The following AGFG1 variants were observed in gnomAD, a reference collection of about 807,000 sequenced individuals.
AGFG1 encodes the protein arf-GAP domain and FG repeat-containing protein 1.
A neutral mutation model predicts 60.6 loss-of-function variants in AGFG1; 10 were observed. The ratio of observed to expected loss-of-function variants is 0.16; its 90% CI spans 0.10 to 0.28. The LOEUF (loss-of-function observed/expected upper bound fraction) is 0.28, where lower values mean the gene tolerates loss of function less well. Ranked by LOEUF, AGFG1 falls within the 10% of genes least tolerant of loss-of-function variation. The pLI, the probability that AGFG1 is intolerant of heterozygous loss-of-function variation, is 1.00. For missense variants in AGFG1, 537 were observed against 676.5 expected (o/e 0.79, Z 2.29); for synonymous variants, 247 against 242.9 (o/e 1.02, Z -0.16).
chr2:227,552,694 G>A (rs1692856258), intron 11 of AGFG1, among the ~76,000 whole-genome samples: 1 of 148,054 alleles, frequency 6.8e-6, no homozygotes, highest in Non-Finnish European at 1.5e-5. Flanking sequence ...TTTTAAGTAA[G>A]TGGTTATTTA....
rs1379933009 is a variant in AGFG1, at chr2:227,557,269, G to A, written c.*2774G>A. On this transcript the variant is annotated 3_prime_UTR_variant, in exon 13 of 13. Transcript: ENST00000310078. ...CATTTTTTCCCCATTTTTTGAAATA[G>A]AGAATATTTTATTATTTTTGTGAAA... 6.6e-6 allele frequency: 1 copy of A among 152,130 alleles called. No individual in the cohort carries two copies. Among genetic ancestry groups the A allele is most frequent in the Non-Finnish European group, 1.5e-5 (1 of 68,024 alleles). 9.4% of individuals were successfully genotyped at this position (152,130 alleles called of 1,614,324 possible). A position where few individuals can be genotyped will look rare whatever the true frequency, so the allele number is the denominator to read the frequency against.
intron 10 of AGFG1, among the ~76,000 whole-genome samples, chr2:227,544,557 T>C (rs549580834): frequency 1.3e-5 from 2 of 152,334 alleles, no homozygotes; most frequent in East Asian, 3.9e-4. Context: ...CTAGCATCGA[T>C]GGTCTTTACA....
chr2:227,552,230 C>G (rs2106244902), intron 11 of AGFG1, 113 bp downstream of exon 11: 2 of 1,241,026 alleles, frequency 1.6e-6, no homozygotes, highest in East Asian at 5.0e-5. Context: ...GTATTATCTA[C>G]TGAGTGTTTA....
intron 2 of AGFG1, among the ~76,000 whole-genome samples, chr2:227,515,641 C>T (rs990263684): frequency 6.6e-6 from 1 of 152,068 alleles, no homozygotes; most frequent in Non-Finnish European, 1.5e-5. Context: ...CCTACTTTTA[C>T]CTAAATAGCC....
chr2:227,533,288 C>CA (rs397744002), intron 6 of AGFG1, among the ~76,000 whole-genome samples: 1 of 151,574 alleles, frequency 6.6e-6, no homozygotes, highest in Non-Finnish European at 1.5e-5. Flanking sequence ...TGGAGATACC[C>CA]CTCCATGAAT....
intron 2 of AGFG1, among the ~76,000 whole-genome samples, chr2:227,494,074 T>G (rs1690902763): frequency 6.6e-6 from 1 of 152,198 alleles, no homozygotes; most frequent in Admixed American, 6.5e-5. Flanking sequence ...TACCTTCTTA[T>G]AGTATACCAA....
intron 1 of AGFG1, among the ~76,000 whole-genome samples, chr2:227,473,040 G>T (rs1484807590): frequency 4.0e-5 from 6 of 150,296 alleles, no homozygotes; most frequent in African/African-American, 1.5e-4. Context: ...CGGCCCGGGA[G>T]CCGCGGTGCG....
intron 10 of AGFG1, among the ~76,000 whole-genome samples, chr2:227,548,287 A>T (rs1313762391): frequency 6.6e-6 from 1 of 152,214 alleles, no homozygotes; most frequent in Non-Finnish European, 1.5e-5. Flanking sequence ...CATCCCTGTG[A>T]ATATATTTAA....
rs1281439596 is a variant in AGFG1 at position 227,559,178 on chromosome 2, C to G, written c.*4683C>G. 2.0e-5 allele frequency: 3 copies of G among 152,184 alleles called. No homozygotes were observed. In the South Asian group the frequency reaches 6.2e-4, roughly 31 times the overall value. 9.4% of individuals were successfully genotyped at this position (152,184 alleles called of 1,614,324 possible). A position where few individuals can be genotyped will look rare whatever the true frequency, so the allele number is the denominator to read the frequency against. On this transcript the variant is annotated 3_prime_UTR_variant, in exon 13 of 13. Coordinates refer to ENST00000310078, the MANE Select transcript of AGFG1 (RefSeq NM_004504.5). ...GCAGTTCTGTTTTGTGTGACCAGCA[C>G]AGTGTTTTAAAACGTTGCATTCTGA...
At chr2:227,535,311 G>A (rs1012593245) in intron 8 of AGFG1, among the ~76,000 whole-genome samples, 1 of 152,166 alleles carries the variant, frequency 6.6e-6, no homozygotes, top group Middle Eastern at 3.2e-3. Flanking sequence ...CTTACAGATT[G>A]TACTCAGCAG....
chr2:227,486,712 T>C (rs1329307893), intron 1 of AGFG1, among the ~76,000 whole-genome samples: 1 of 152,222 alleles, frequency 6.6e-6, no homozygotes, highest in Admixed American at 6.5e-5. Context: ...CTTGGTAGAG[T>C]TTATATCTTA....
intron 10 of AGFG1, among the ~76,000 whole-genome samples, chr2:227,539,197 CT>C (rs1183732613): frequency 1.3e-5 from 2 of 152,178 alleles, no homozygotes; most frequent in African/African-American, 4.8e-5. Flanking sequence ...AATCCCAGCA[CT>C]TTGGGAGGCC....
At chr2:227,477,472 G>A (rs1284504095) in intron 1 of AGFG1, among the ~76,000 whole-genome samples, 1 of 152,184 alleles carries the variant, frequency 6.6e-6, no homozygotes, top group African/African-American at 2.4e-5. Context: ...ATCTGGAACT[G>A]ATGCTGATTC....
Position 227,534,907 on chromosome 2 carries a change from G to A in AGFG1, c.1087G>A (p.Val363Ile), listed in dbSNP as rs762335409. 3.1e-6 allele frequency: 5 copies of A among 1,613,916 alleles called. No homozygotes were observed. The highest frequency in any genetic ancestry group is 1.1e-5 in the South Asian group (1 of 91,074). Residue 363 changes from valine (V) to isoleucine (I), a missense_variant, in exon 8 of 13, where the codon GTT becomes ATT. By Grantham distance (29) the Val-to-Ile change is conservative. Transcript: ENST00000310078. The part of the protein sequence containing the change: ...GKAPVGSVVS[V>I]PSQSSASSDK... ...AGCTCCTGTTGGTTCTGTGGTTTCA[G>A]TTCCCAGTCAGTCAAGTGCATCTTC...
intron 11 of AGFG1, among the ~76,000 whole-genome samples, chr2:227,552,719 G>A (rs538557553): frequency 2.7e-4 from 40 of 148,920 alleles, no homozygotes; most frequent in African/African-American, 9.9e-4. Flanking sequence ...TCTGAAATAT[G>A]GGCTGGGCGT....
chr2:227,494,395 A>T (rs1690914337), intron 2 of AGFG1, among the ~76,000 whole-genome samples: 1 of 152,204 alleles, frequency 6.6e-6, no homozygotes, highest in Admixed American at 6.5e-5. Flanking sequence ...AAAGGGCCAT[A>T]TTCAGTCACA....
intron 2 of AGFG1, among the ~76,000 whole-genome samples, chr2:227,502,067 C>CA (rs1691174075): frequency 6.6e-6 from 1 of 152,066 alleles, no homozygotes; most frequent in African/African-American, 2.4e-5. Flanking sequence ...CTGTGTTGCC[C>CA]AAGTTGGTCT....
At chr2:227,545,420 G>A (rs966462885) in intron 10 of AGFG1, among the ~76,000 whole-genome samples, 4 of 152,096 alleles carry the variant, frequency 2.6e-5, no homozygotes, top group African/African-American at 4.8e-5. Flanking sequence ...CCTTTAGCTC[G>A]GAGAAGTTTG....
At chr2:227,528,214 C>A (rs779325515) in intron 5 of AGFG1, among the ~76,000 whole-genome samples, 5 of 152,056 alleles carry the variant, frequency 3.3e-5, no homozygotes, top group Non-Finnish European at 5.9e-5. Flanking sequence ...AGGAAACTGG[C>A]GTAATTTTTA....
Sources: gnomAD v4.1 joint callset for allele counts (sites outside exome capture counted in the v4.1 genomes callset) on GRCh38, gnomAD v4.1.1 for gene constraint, MANE v1.5 for transcripts, NCBI Gene and HGNC (gene_info 2026-07-23, HGNC 2026-07-21) for gene names.